The following GPRC5A variants were observed in gnomAD, a reference collection of about 807,000 sequenced individuals.
The protein encoded by GPRC5A is retinoic acid-induced protein 3.
In GPRC5A, 19 loss-of-function variants were observed where a neutral mutation model predicts 22.5. That is an observed-to-expected ratio of 0.85 (90% CI 0.59 to 1.24). GPRC5A has a LOEUF of 1.24. Ranked by LOEUF, GPRC5A falls within the 50% of genes most tolerant of loss-of-function variation. GPRC5A has a pLI of 0.00. For synonymous variants in GPRC5A, 192 were observed against 184.5 expected (o/e 1.04, Z -0.33); for missense variants, 471 against 451.1 (o/e 1.04, Z -0.40).
At chr12:12,897,632 C>T (rs1375513851) in intron 1 of GPRC5A, among the ~76,000 whole-genome samples, 1 of 148,430 alleles carries the variant, frequency 6.7e-6, no homozygotes, top group African/African-American at 2.5e-5. Context: ...TTTTTGAGAC[C>T]ATGTCTCACT....
chr12:12,901,013 C>G (rs1013092620), intron 1 of GPRC5A, among the ~76,000 whole-genome samples: 1 of 150,552 alleles, frequency 6.6e-6, no homozygotes, highest in Admixed American at 6.7e-5. Context: ...AGGTTTAAGA[C>G]AGCAACAAGT....
intron 1 of GPRC5A, among the ~76,000 whole-genome samples, chr12:12,904,036 T>A (rs1406811740): frequency 6.6e-6 from 1 of 151,912 alleles, no homozygotes; most frequent in South Asian, 2.1e-4. Flanking sequence ...GAGGGAGAGA[T>A]CAAAGGGAAG....
rs376043724 is a variant in GPRC5A, at chr12:12,900,923, A to ACC, written c.-7-7320_-7-7319insCC. On this transcript the variant is annotated intron_variant, in intron 1 of 3. Transcript: ENST00000014914. Reference sequence around the variant, plus strand: ...AAAAAAAAAAAAAAAACAAAAAAAAAACAACCCAGAAAAACCCAAAAAACA... The same window carrying ACC: ...AAAAAAAAAAAAAAAACAAAAAAAAACCACAACCCAGAAAAACCCAAAAAACA... Among the ~76,000 whole-genome samples the ACC allele has an allele frequency of 4.4e-4, 48 of 109,976 alleles. 2 individuals carry two copies. The East Asian group carries it at 0.018, about 42-fold the overall frequency. 72.1% of individuals were successfully genotyped at this position (109,976 alleles called of 152,430 possible).
intron 2 of GPRC5A, among the ~76,000 whole-genome samples, chr12:12,910,063 C>G (rs139698289): frequency 6.6e-6 from 1 of 152,008 alleles, no homozygotes; most frequent in East Asian, 1.9e-4. Flanking sequence ...AGAAAGTACT[C>G]CTGCTCATAG....
intron 1 of GPRC5A, among the ~76,000 whole-genome samples, chr12:12,892,314 ATAGATGCTGTTCCATCTGGTCCCT>A (rs1863768503): frequency 6.6e-6 from 1 of 152,208 alleles, no homozygotes; most frequent in Non-Finnish European, 1.5e-5. Flanking sequence ...TGGGAATAGC[ATAGATGCTGTTCCATCTGGTCCCT>A]TAAACATCCA....
rs1864064662 is a variant in GPRC5A at position 12,916,414 on chromosome 12, C to G, written c.*3875C>G. 1.3e-5 allele frequency: 2 copies of G among 152,278 alleles called. No individual in the cohort carries two copies. The highest frequency in any genetic ancestry group is 2.1e-4 in the South Asian group (1 of 4,840). 9.4% of individuals were successfully genotyped at this position (152,278 alleles called of 1,614,324 possible). ...TGCCCCATGTTTCCACTAGATGGCG[C>G]TGACACTTCAGGCATCAACCCTCAT... On this transcript the variant is annotated 3_prime_UTR_variant, in exon 4 of 4. Coordinates refer to ENST00000014914, the MANE Select transcript of GPRC5A (RefSeq NM_003979.4).
chr12:12,905,449 AC>A (rs1467304892), intron 1 of GPRC5A, among the ~76,000 whole-genome samples: 1 of 152,214 alleles, frequency 6.6e-6, no homozygotes, highest in African/African-American at 2.4e-5. Context: ...TCATTGGGAA[AC>A]AAAAAACTCA....
intron 1 of GPRC5A, among the ~76,000 whole-genome samples, chr12:12,906,412 A>C (rs1863940979): frequency 6.6e-6 from 1 of 152,124 alleles, no homozygotes; most frequent in African/African-American, 2.4e-5. Flanking sequence ...CTCTACAAAA[A>C]TACAAAAATT....
At chr12:12,903,533 C>T (rs1184237214) in intron 1 of GPRC5A, among the ~76,000 whole-genome samples, 1 of 152,188 alleles carries the variant, frequency 6.6e-6, no homozygotes, top group African/African-American at 2.4e-5. Flanking sequence ...ACGATCAGCC[C>T]GCTTCGGCCT....
chr12:12,894,543 G>A (rs1010382253), intron 1 of GPRC5A, among the ~76,000 whole-genome samples: 5 of 151,742 alleles, frequency 3.3e-5, no homozygotes, highest in Non-Finnish European at 7.4e-5. Flanking sequence ...TGAGTAGCTG[G>A]GTCTACAGGC....
At position 12,912,753 on chromosome 12, in the gene GPRC5A, T is replaced by G. The variant is rs1447998334; in HGVS notation, c.*214T>G. On this transcript the variant is annotated 3_prime_UTR_variant, in exon 4 of 4. Transcript: ENST00000014914. ...CTTAGAGGCGCTGTAGTATTTTTTT[T>G]TTTTTGTCTCATCCTTTGGATACTT... 5 of 501,028 alleles carry G rather than the reference T, an allele frequency of 1.0e-5. No individual in the cohort carries two copies. Among genetic ancestry groups the G allele is most frequent in the Non-Finnish European group, 1.8e-5 (5 of 285,332 alleles). 31.0% of individuals were successfully genotyped at this position (501,028 alleles called of 1,614,324 possible). A position where few individuals can be genotyped will look rare whatever the true frequency, so the allele number is the denominator to read the frequency against.
rs748990419 is a variant in GPRC5A at position 12,908,757 on chromosome 12, G to C, written c.508G>C (p.Ala170Pro). 1.9e-6 allele frequency: 3 copies of C among 1,614,100 alleles called. No individual in the cohort carries two copies. In the Admixed American group the frequency reaches 5.0e-5, roughly 27 times the overall value. ...TNVNVFSELSAPRRNEDFVLL... is the reference protein window; with the variant it reads ...TNVNVFSELSPPRRNEDFVLL... ...CGTCAATGTCTTTTCTGAGCTTTCC[G>C]CTCCTCGTCGCAATGAAGACTTTGT... Residue 170 changes from alanine to proline, a missense_variant, in exon 2 of 4, where the codon GCT becomes CCT. Coordinates refer to ENST00000014914, the MANE Select transcript of GPRC5A (RefSeq NM_003979.4).
At chr12:12,912,360 A>T in intron 3 of GPRC5A, 87 bp from the exon 4 acceptor site, 1 of 955,384 alleles carries the variant, frequency 1.0e-6, no homozygotes, top group South Asian at 1.3e-5. Context: ...GAGAAAGGGA[A>T]GGAAATGAGA....
Position 12,908,529 on chromosome 12 carries a change from G to C in GPRC5A, c.280G>C (p.Gly94Arg). ...CATCATCGGACTGGACGGGAGCACA[G>C]GGCCCACACGCTTCTTCCTCTTTGG... ...AFIIGLDGSTGPTRFFLFGIL... is the reference protein window; with the variant it reads ...AFIIGLDGSTRPTRFFLFGIL... The change falls in exon 2 of 4, where the codon GGG (glycine) becomes CGG (arginine). Residue 94 changes from glycine (G) to arginine (R), a missense_variant. By Grantham distance (125) the Gly-to-Arg change is moderately radical. Transcript: ENST00000014914. The C allele has an allele frequency of 6.2e-7, 1 of 1,614,154 alleles. No homozygotes were observed. The highest frequency in any genetic ancestry group is 8.5e-7 in the Non-Finnish European group (1 of 1,180,030).
chr12:12,902,452 G>C (rs1863899264), intron 1 of GPRC5A, among the ~76,000 whole-genome samples: 1 of 152,014 alleles, frequency 6.6e-6, no homozygotes, highest in East Asian at 1.9e-4. Flanking sequence ...GGTTAAGAAG[G>C]AGTTTTTATC....
Position 12,914,560 on chromosome 12 carries a change from C to CTTTCTTTCTTTA in GPRC5A, c.*2032_*2033insATTTCTTTCTTT, listed in dbSNP as rs1864040070. 2 of 60,940 alleles carry CTTTCTTTCTTTA rather than the reference C, an allele frequency of 3.3e-5. No individual in the cohort carries two copies. Among genetic ancestry groups the CTTTCTTTCTTTA allele is most frequent in the East Asian group, 2.8e-4 (1 of 3,572 alleles). 3.8% of individuals were successfully genotyped at this position (60,940 alleles called of 1,614,324 possible). A position where few individuals can be genotyped will look rare whatever the true frequency, so the allele number is the denominator to read the frequency against. Reference sequence around the variant, plus strand: ...TCCTTCCTTCCTTTCTTCTTTCTTTCTTTCTTTCTTTCTTTCTTTCTTTCT... The same window carrying CTTTCTTTCTTTA: ...TCCTTCCTTCCTTTCTTCTTTCTTTCTTTCTTTCTTTATTTCTTTCTTTCTTTCTTTCTTTCT... On this transcript the variant is annotated 3_prime_UTR_variant, in exon 4 of 4. Transcript: ENST00000014914.
At chr12:12,906,597 C>T (rs984408174) in intron 1 of GPRC5A, among the ~76,000 whole-genome samples, 3 of 152,236 alleles carry the variant, frequency 2.0e-5, no homozygotes, top group African/African-American at 7.2e-5. Flanking sequence ...TGGAGCAATA[C>T]TAAAAATGAA....
In GPRC5A at chr12:12,912,133, T is replaced by G. The variant is rs1239595879; in HGVS notation, c.972T>G (p.Phe324Leu). 6.2e-7 allele frequency: 1 copy of G among 1,610,506 alleles called. No homozygotes were observed. Among genetic ancestry groups the G allele is most frequent in the Non-Finnish European group, 8.5e-7 (1 of 1,176,674 alleles). ...DTLYAPYSTHFQLQNQPPQKE... is the reference protein window; with the variant it reads ...DTLYAPYSTHLQLQNQPPQKE... ...TCTATGCCCCCTATTCCACACATTT[T>G]CAGCTGCAGGTAAGTGATTTTTTTC... The change falls in exon 3 of 4, where the codon TTT becomes TTG. Residue 324 changes from phenylalanine to leucine, a missense_variant. Transcript: ENST00000014914.
chr12:12,901,991 G>A (rs760551554), intron 1 of GPRC5A, among the ~76,000 whole-genome samples: 2 of 152,138 alleles, frequency 1.3e-5, no homozygotes, highest in Non-Finnish European at 2.9e-5. Flanking sequence ...TCTAGCTCCA[G>A]ACAGTTCATA....
Sources: gnomAD v4.1 joint callset for allele counts (sites outside exome capture counted in the v4.1 genomes callset) on GRCh38, gnomAD v4.1.1 for gene constraint, MANE v1.5 for transcripts, NCBI Gene and HGNC (gene_info 2026-07-23, HGNC 2026-07-21) for gene names.